The following KCNQ1 variants were observed in gnomAD, a reference collection of about 807,000 sequenced individuals.
KCNQ1 encodes the protein potassium voltage-gated channel subfamily Q member 1.
In KCNQ1, 49 loss-of-function variants were observed where a neutral mutation model predicts 72.4. That is an observed-to-expected ratio of 0.68 (90% CI 0.54 to 0.86). The LOEUF (loss-of-function observed/expected upper bound fraction) is 0.86. KCNQ1 is among the 40% of genes least tolerant of loss of function. The pLI is 0.00. For synonymous variants in KCNQ1, 450 were observed against 412.6 expected, an observed-to-expected ratio of 1.09 and a Z score of -1.10; for missense variants, 790 against 945.1, an observed-to-expected ratio of 0.84 and a Z score of 2.15.
intron 11 of KCNQ1, chr11:2,686,156 G>A (rs546112168): frequency 2.3e-5 from 9 of 398,858 alleles, no homozygotes; most frequent in South Asian, 2.5e-4. Flanking sequence ...GGTTTGCTTC[G>A]CCTTTCTGAG....
rs1847614419 is a variant in KCNQ1 at position 2,816,375 on chromosome 11, A to G, written c.1795-31392A>G. Among the ~76,000 whole-genome samples, 1 of 152,198 alleles carries G rather than the reference A, an allele frequency of 6.6e-6. No homozygotes were observed. Among genetic ancestry groups the G allele is most frequent in the African/African-American group, 2.4e-5 (1 of 41,440 alleles). On this transcript the variant is annotated intron_variant, in intron 15 of 15. Coordinates refer to ENST00000155840, the MANE Select transcript of KCNQ1 (RefSeq NM_000218.3). This position sits in a 1 kb window ranked among gnomAD's most constrained non-coding sequence, Gnocchi z 6.8. ...GGGAGAATTTCAAGAGCCTTTTGTGAAAATGGTCAGGCTGCTGAAAGTGAG... is the reference window on the plus strand; with the variant it reads ...GGGAGAATTTCAAGAGCCTTTTGTGGAAATGGTCAGGCTGCTGAAAGTGAG...
chr11:2,611,039 A>T lies in KCNQ1; in HGVS notation c.1393+22185A>T. ...GTCTGTTTCTCTCTTCATTTCTGAC[A>T]GTTTTATTTCATATACTTCAGGGCT... On this transcript the variant is annotated intron_variant, in intron 10 of 15. Coordinates refer to ENST00000155840, the MANE Select transcript of KCNQ1 (RefSeq NM_000218.3). This position sits in a 1 kb window ranked among gnomAD's most constrained non-coding sequence, Gnocchi z 5.3. The T allele has an allele frequency of 2.5e-6, 1 of 398,318 alleles. No homozygotes were observed. 24.7% of individuals were successfully genotyped at this position (398,318 alleles called of 1,614,324 possible). A position where few individuals can be genotyped will look rare whatever the true frequency, so the allele number is the denominator to read the frequency against.
intron 11 of KCNQ1, among the ~76,000 whole-genome samples, chr11:2,733,960 G>A (rs1272762354): frequency 2.0e-5 from 3 of 150,882 alleles, no homozygotes; most frequent in Non-Finnish European, 4.4e-5. Flanking sequence ...TAATCCTCTT[G>A]AGTCTTCAGG....
chr11:2,521,560 T>C, intron 1 of KCNQ1: 1 of 470,752 alleles, frequency 2.1e-6, no homozygotes, highest in South Asian at 1.5e-5. Context: ...GGGTTTCAGC[T>C]TCGACCCTGG....
intron 15 of KCNQ1, among the ~76,000 whole-genome samples, chr11:2,819,550 G>A (rs1366589337): frequency 6.6e-6 from 1 of 152,218 alleles, no homozygotes; most frequent in African/African-American, 2.4e-5. Context: ...AGCTGCTGAT[G>A]CATTTTTAGG....
chr11:2,759,919 G>A lies in KCNQ1; in HGVS notation c.1515-8925G>A, dbSNP rs1400874179. On this transcript the variant is annotated intron_variant, in intron 11 of 15. Coordinates refer to ENST00000155840, the MANE Select transcript of KCNQ1 (RefSeq NM_000218.3). This position sits in a 1 kb window ranked among gnomAD's most constrained non-coding sequence, Gnocchi z 4.4. ...TCACCTCCAGCCCTCCCACATGCCA[G>A]CCCCTACCCTGGGCCTCAGGATCTG... 1.3e-5 allele frequency among the ~76,000 whole-genome samples: 2 copies of A among 152,184 alleles called. No homozygotes were observed. Among genetic ancestry groups the A allele is most frequent in the Non-Finnish European group, 2.9e-5 (2 of 68,016 alleles).
intron 10 of KCNQ1, chr11:2,616,602 T>C (rs2133797957): frequency 2.5e-6 from 1 of 398,210 alleles, no homozygotes; most frequent in East Asian, 3.6e-5. Flanking sequence ...TTTCACTTTT[T>C]GAAAGTATTT....
At position 2,803,419 on chromosome 11, in the gene KCNQ1, A is replaced by G. The variant is rs1426844920; in HGVS notation, c.1794+25382A>G. On this transcript the variant is annotated intron_variant, in intron 15 of 15. Transcript: ENST00000155840. The surrounding 1 kb of genome is among the most constrained non-coding windows in gnomAD (Gnocchi z 6.4). ...TGTAGAATGATATTCCCTCCAGACC[A>G]CGGTGCCTTCTGGGCTCTGGAGAAT... is the stretch of plus-strand genomic sequence containing the variant. 6.6e-6 allele frequency among the ~76,000 whole-genome samples: 1 copy of G among 152,170 alleles called. No individual in the cohort carries two copies. The highest frequency in any genetic ancestry group is 1.5e-5 in the Non-Finnish European group (1 of 68,022).
At chr11:2,802,912 C>T (rs1460513727) in intron 15 of KCNQ1, among the ~76,000 whole-genome samples, 5 of 152,238 alleles carry the variant, frequency 3.3e-5, no homozygotes, top group African/African-American at 1.2e-4. Flanking sequence ...ACAGCGCTAC[C>T]TGCAAAGGCC....
chr11:2,605,242 C>A (rs1848863070), intron 10 of KCNQ1, among the ~76,000 whole-genome samples: 1 of 152,144 alleles, frequency 6.6e-6, no homozygotes. Flanking sequence ...TGTAGGTTGT[C>A]TTTTCACTTT....
rs1160643945 is a variant in KCNQ1, at chr11:2,676,789, G to T, written c.1514+14708G>T. 6 of 398,508 alleles carry T rather than the reference G, an allele frequency of 1.5e-5. No homozygotes were observed. Among genetic ancestry groups the T allele is most frequent in the Non-Finnish European group, 2.7e-5 (6 of 226,074 alleles). The allele number at this position is 398,508 out of a possible 1,614,324, so 24.7% of individuals were successfully genotyped here. A position where few individuals can be genotyped will look rare whatever the true frequency, so the allele number is the denominator to read the frequency against. ...CCCTAGGACATTTGAAGAGAATGGA[G>T]TGATGGCCAGTGTATTGTGCTGGGA... On this transcript the variant is annotated intron_variant, in intron 11 of 15. Coordinates refer to ENST00000155840, the MANE Select transcript of KCNQ1 (RefSeq NM_000218.3). The surrounding 1 kb of genome is among the most constrained non-coding windows in gnomAD (Gnocchi z 4.2).
chr11:2,668,170 C>G lies in KCNQ1; in HGVS notation c.1514+6089C>G, dbSNP rs1850117604. 5.0e-6 allele frequency: 2 copies of G among 398,550 alleles called. No individual in the cohort carries two copies. The highest frequency in any genetic ancestry group is 4.1e-5 in the African/African-American group (2 of 48,622). 24.7% of individuals were successfully genotyped at this position (398,550 alleles called of 1,614,324 possible). A position where few individuals can be genotyped will look rare whatever the true frequency, so the allele number is the denominator to read the frequency against. Reference sequence around the variant, plus strand: ...GGAGAGTGCTCCCTCATGCTCCTTGCTGACTGGTGCTCCATTGTGTGCATG... The same window carrying G: ...GGAGAGTGCTCCCTCATGCTCCTTGGTGACTGGTGCTCCATTGTGTGCATG... On this transcript the variant is annotated intron_variant, in intron 11 of 15. Coordinates refer to ENST00000155840, the MANE Select transcript of KCNQ1 (RefSeq NM_000218.3). The surrounding 1 kb of genome is among the most constrained non-coding windows in gnomAD (Gnocchi z 4.3).
intron 2 of KCNQ1, among the ~76,000 whole-genome samples, chr11:2,560,352 T>TGGG (rs370138452): frequency 2.2e-4 from 4 of 17,980 alleles, no homozygotes; most frequent in Admixed American, 1.7e-3. Context: ...CCTGGGGGAA[T>TGGG]GGGGGGGGTG....
At chr11:2,692,220 A>C (rs1850599797) in intron 11 of KCNQ1, 1 of 398,662 alleles carries the variant, frequency 2.5e-6, no homozygotes. Flanking sequence ...CCGCTTCCTC[A>C]CCACCTGCCC....
Position 2,690,527 on chromosome 11 carries a change from C to A in KCNQ1, c.1514+28446C>A, listed in dbSNP as rs923994898. The A allele has an allele frequency of 7.5e-6, 3 of 398,532 alleles. No homozygotes were observed. Among genetic ancestry groups the A allele is most frequent in the Non-Finnish European group, 1.3e-5 (3 of 226,092 alleles). The allele number at this position is 398,532 out of a possible 1,614,324, so 24.7% of individuals were successfully genotyped here. A position where few individuals can be genotyped will look rare whatever the true frequency, so the allele number is the denominator to read the frequency against. Reference sequence around the variant, plus strand: ...CTCAGCACCTATCACAAAGAAAGTGCCACTGGGCCTAGGGAAGGACAAGAA... The same window carrying A: ...CTCAGCACCTATCACAAAGAAAGTGACACTGGGCCTAGGGAAGGACAAGAA... On this transcript the variant is annotated intron_variant, in intron 11 of 15. Coordinates refer to ENST00000155840, the MANE Select transcript of KCNQ1 (RefSeq NM_000218.3). This position sits in a 1 kb window ranked among gnomAD's most constrained non-coding sequence, Gnocchi z 5.1.
rs1483984379 is a variant in KCNQ1 at position 2,673,250 on chromosome 11, G to A, written c.1514+11169G>A. 3 of 398,576 alleles carry A rather than the reference G, an allele frequency of 7.5e-6. No homozygotes were observed. The highest frequency in any genetic ancestry group is 8.8e-6 in the Non-Finnish European group (2 of 226,094). The allele number at this position is 398,576 out of a possible 1,614,324, so 24.7% of individuals were successfully genotyped here. A position where few individuals can be genotyped will look rare whatever the true frequency, so the allele number is the denominator to read the frequency against. On this transcript the variant is annotated intron_variant, in intron 11 of 15. Transcript: ENST00000155840. This position sits in a 1 kb window ranked among gnomAD's most constrained non-coding sequence, Gnocchi z 4.5. ...CTGTAGATTCTGGGGACTGGGTGAT[G>A]CAGACTGCAAAGCCTCAGCCACCTT...
intron 1 of KCNQ1, chr11:2,461,812 G>A: frequency 9.9e-7 from 1 of 1,009,120 alleles, no homozygotes; most frequent in Non-Finnish European, 1.4e-6. Flanking sequence ...GTAGATGGGT[G>A]GACAGCTGGA....
chr11:2,666,774 C>T (rs1201466074), intron 11 of KCNQ1: 6 of 398,652 alleles, frequency 1.5e-5, no homozygotes, highest in Non-Finnish European at 2.7e-5. Context: ...GTCTAAGCTC[C>T]TCACCATATT....
rs150334019 is a variant in KCNQ1, at chr11:2,613,878, A to G, written c.1393+25024A>G. On this transcript the variant is annotated intron_variant, in intron 10 of 15. Coordinates refer to ENST00000155840, the MANE Select transcript of KCNQ1 (RefSeq NM_000218.3). This position sits in a 1 kb window ranked among gnomAD's most constrained non-coding sequence, Gnocchi z 4.8. The stretch of plus-strand genomic sequence containing the variant: ...TGTGTGTGTTTGCTCTTTATAAGAC[A>G]TGATTATTTTCTCATTTCCCAAAAA... The G allele has an allele frequency of 1.1e-4, 44 of 398,566 alleles. No homozygotes were observed. Among genetic ancestry groups the G allele is most frequent in the Admixed American group, 7.9e-4 (18 of 22,718 alleles). 24.7% of individuals were successfully genotyped at this position (398,566 alleles called of 1,614,324 possible).
Sources: gnomAD v4.1 joint callset for allele counts (sites outside exome capture counted in the v4.1 genomes callset) on GRCh38, gnomAD v4.1.1 for gene constraint, Gnocchi (gnomAD v3.1) non-coding constraint, MANE v1.5 for transcripts, NCBI Gene and HGNC (gene_info 2026-07-23, HGNC 2026-07-21) for gene names.